KCNK10: variants seen among roughly 807,000 people sequenced by gnomAD.
The protein encoded by KCNK10 is potassium two pore domain channel subfamily K member 10, also known as potassium channel subfamily K member 10.
A neutral mutation model predicts 47.7 loss-of-function variants in KCNK10; 25 were observed. The ratio of observed to expected loss-of-function variants is 0.52; its 90% CI spans 0.38 to 0.73. The LOEUF (loss-of-function observed/expected upper bound fraction) is 0.73. Ranked by LOEUF, KCNK10 falls within the 30% of genes least tolerant of loss-of-function variation. The probability of loss-of-function intolerance (pLI) is 0.00; values close to 1 mark genes in which losing one functional copy is unlikely to be tolerated. For synonymous variants in KCNK10, 303 were observed against 285.6 expected (o/e 1.06, Z -0.61); for missense variants, 563 against 714.5 (o/e 0.79, Z 2.42).
intron 3 of KCNK10, among the ~76,000 whole-genome samples, chr14:88,238,224 G>A (rs987137446): frequency 6.6e-6 from 1 of 152,348 alleles, no homozygotes; most frequent in South Asian, 2.1e-4. Flanking sequence ...GAGCCCGCTT[G>A]CTCTGAATTA....
At chr14:88,326,608 C>A (rs542839501), upstream of KCNK10, 128 of 624,398 alleles carry the variant, frequency 2.0e-4, no homozygotes, top group African/African-American at 1.9e-3. Context: ...AGTCTCCCTG[C>A]ACTCGCCGGC....
chr14:88,279,187 A>G (rs1887592234), intron 1 of KCNK10, among the ~76,000 whole-genome samples: 1 of 152,168 alleles, frequency 6.6e-6, no homozygotes, highest in South Asian at 2.1e-4. Flanking sequence ...ATGAGGTCCT[A>G]CTATGGGCTC....
At chr14:88,213,985 G>A (rs1885540065) in intron 4 of KCNK10, among the ~76,000 whole-genome samples, 1 of 148,708 alleles carries the variant, frequency 6.7e-6, no homozygotes, top group Non-Finnish European at 1.5e-5. Flanking sequence ...TGTTGCCCAG[G>A]CTGGAGTGCA....
intron 3 of KCNK10, among the ~76,000 whole-genome samples, chr14:88,237,254 C>T (rs1415538091): frequency 6.6e-6 from 1 of 152,194 alleles, no homozygotes; most frequent in African/African-American, 2.4e-5. Flanking sequence ...TCATGAGATG[C>T]AGCATTTCAG....
rs960270631 is a variant in KCNK10 at position 88,307,302 on chromosome 14, C to G, written c.52+15445G>C. On this transcript the variant is annotated intron_variant, in intron 1 of 6. Transcript: ENST00000319231. ...ATGCCACATGAGTGAACCTTGAAAGCATTATGTTACGTGAAAGAAGCTGAT... is the reference window on the plus strand; with the variant it reads ...ATGCCACATGAGTGAACCTTGAAAGGATTATGTTACGTGAAAGAAGCTGAT... 1.3e-4 allele frequency among the ~76,000 whole-genome samples: 20 copies of G among 150,030 alleles called. No homozygotes were observed. The East Asian group carries it at 4.0e-3, about 30-fold the overall frequency.
At position 88,322,658 on chromosome 14, in the gene KCNK10, C is replaced by T. The variant is rs542126651; in HGVS notation, c.52+89G>A. Reference sequence around the variant, plus strand: ...TTTCCCAGCCTCAGGACACACGCTGCCAGAAGCAAGAGTGCTTCCACTCAA... The same window carrying T: ...TTTCCCAGCCTCAGGACACACGCTGTCAGAAGCAAGAGTGCTTCCACTCAA... On this transcript the variant is annotated intron_variant, in intron 1 of 6. Coordinates refer to ENST00000319231, the MANE Select transcript of KCNK10 (RefSeq NM_138317.3). The surrounding 1 kb of genome is among the most constrained non-coding windows in gnomAD (Gnocchi z 4.8). 71 of 1,557,122 alleles carry T rather than the reference C, an allele frequency of 4.6e-5. No individual in the cohort carries two copies. The African/African-American group carries it at 8.1e-4, about 18-fold the overall frequency.
intron 6 of KCNK10, among the ~76,000 whole-genome samples, chr14:88,187,577 G>A (rs772638648): frequency 2.0e-4 from 31 of 151,884 alleles, no homozygotes; most frequent in African/African-American, 2.9e-4. Context: ...GATTCTTGGC[G>A]TTCAACTGCC....
rs573563950 is a variant in KCNK10 at position 88,227,261 on chromosome 14, T to C, written c.681+114A>G. 5.7e-5 allele frequency: 50 copies of C among 871,786 alleles called. No homozygotes were observed. In the African/African-American group the frequency reaches 8.1e-4, roughly 14 times the overall value. The allele number at this position is 871,786 out of a possible 1,614,324, so 54.0% of individuals were successfully genotyped here. On this transcript the variant is annotated intron_variant, in intron 4 of 6. Transcript: ENST00000319231. ...CAAAACAGAAAATACAATCATAACA[T>C]TAAAATTATTCCATTAAAAGCAGAC... is the stretch of plus-strand genomic sequence containing the variant.
intron 1 of KCNK10, among the ~76,000 whole-genome samples, chr14:88,290,866 A>G (rs1836609716): frequency 6.6e-6 from 1 of 152,196 alleles, no homozygotes. Context: ...TCATTCACAA[A>G]AAAAAGGCAC....
chr14:88,280,637 T>C (rs1404900670), intron 1 of KCNK10, among the ~76,000 whole-genome samples: 1 of 152,060 alleles, frequency 6.6e-6, no homozygotes, highest in Non-Finnish European at 1.5e-5. Context: ...GATAGTAATG[T>C]TCACCCAAAC....
chr14:88,310,187 C>CCATATCATATGGTATATGATATAA (rs1888289235), intron 1 of KCNK10, among the ~76,000 whole-genome samples: 1 of 131,622 alleles, frequency 7.6e-6, no homozygotes, highest in South Asian at 2.3e-4. Context: ...ATATGATATA[C>CCATATCATATGGTATATGATATAA]CATATCATAT....
At chr14:88,296,370 ACTTAT>A (rs1343758304) in intron 1 of KCNK10, among the ~76,000 whole-genome samples, 2 of 152,208 alleles carry the variant, frequency 1.3e-5, no homozygotes, top group African/African-American at 4.8e-5. Context: ...ATCAATGAAT[ACTTAT>A]CTTGTAGAAT....
intron 4 of KCNK10, among the ~76,000 whole-genome samples, chr14:88,197,572 TAAAAAAAAAAAAAAAAA>T (rs71417717): frequency 0.034 from 591 of 17,148 alleles, 6 homozygotes; most frequent in African/African-American, 0.086. Flanking sequence ...AGACTCCGAC[TAAAAAAAAAAAAAAAAA>T]AAAAAAAAAA....
At chr14:88,301,434 A>C (rs1441306216) in intron 1 of KCNK10, among the ~76,000 whole-genome samples, 1 of 152,086 alleles carries the variant, frequency 6.6e-6, no homozygotes, top group Non-Finnish European at 1.5e-5. Flanking sequence ...TTGGTTTATA[A>C]ATTTTTTAGT....
intron 1 of KCNK10, among the ~76,000 whole-genome samples, chr14:88,310,635 G>A (rs750671784): frequency 2.6e-5 from 4 of 152,222 alleles, no homozygotes; most frequent in Admixed American, 1.3e-4. Flanking sequence ...TAGAAACTGC[G>A]TTCTCACCCT....
At chr14:88,202,978 C>A (rs1885149658) in intron 4 of KCNK10, among the ~76,000 whole-genome samples, 1 of 152,146 alleles carries the variant, frequency 6.6e-6, no homozygotes, top group African/African-American at 2.4e-5. Context: ...GGAAGGTAAA[C>A]CTTGCCCTTG....
At chr14:88,248,253 G>A (rs1886696430) in intron 2 of KCNK10, among the ~76,000 whole-genome samples, 1 of 152,160 alleles carries the variant, frequency 6.6e-6, no homozygotes, top group Non-Finnish European at 1.5e-5. Flanking sequence ...ATTACACTGT[G>A]CACTAAATGG....
intron 2 of KCNK10, among the ~76,000 whole-genome samples, chr14:88,251,290 A>G (rs926306800): frequency 6.6e-6 from 1 of 151,920 alleles, no homozygotes; most frequent in African/African-American, 2.4e-5. Flanking sequence ...TCATTCCTCA[A>G]GCCTTTAGCA....
Position 88,298,444 on chromosome 14 carries a change from T to C in KCNK10, c.52+24303A>G, listed in dbSNP as rs752132678. ...CCTACTGGAACTGCGATCATTATCT[T>C]CTTTCCCCTACCATACAATCACCAT... On this transcript the variant is annotated intron_variant, in intron 1 of 6. Coordinates refer to ENST00000319231, the MANE Select transcript of KCNK10 (RefSeq NM_138317.3). 4.0e-4 allele frequency among the ~76,000 whole-genome samples: 61 copies of C among 152,344 alleles called. 2 individuals are homozygous for C. The highest frequency in any genetic ancestry group is 3.4e-3 in the Middle Eastern group (1 of 294).
Sources: allele counts gnomAD v4.1 joint callset (sites outside exome capture counted in the v4.1 genomes callset), GRCh38; gene constraint gnomAD v4.1.1; non-coding constraint Gnocchi (gnomAD v3.1); transcripts MANE v1.5; gene names NCBI Gene and HGNC (gene_info 2026-07-23, HGNC 2026-07-21).